SCAPER: variants seen among roughly 807,000 people sequenced by gnomAD.
SCAPER encodes the protein S-phase cyclin A associated protein in the ER.
SCAPER carries 98 observed loss-of-function variants against 182.2 expected under a neutral mutation model. That is an observed-to-expected ratio of 0.54 (90% CI 0.46 to 0.64). SCAPER has a LOEUF of 0.64. Among genes scored for constraint, SCAPER ranks in the 30% least tolerant of loss-of-function variants. The probability of loss-of-function intolerance (pLI) is 0.00; values close to 1 mark genes in which losing one functional copy is unlikely to be tolerated. For missense variants in SCAPER, 1,432 were observed against 1,690.0 expected, an observed-to-expected ratio of 0.85 and a Z score of 2.68; for synonymous variants, 605 against 564.6, an observed-to-expected ratio of 1.07 and a Z score of -1.01.
intron 5 of SCAPER, among the ~76,000 whole-genome samples, chr15:76,836,981 T>C (rs2069010579): frequency 6.6e-6 from 1 of 152,026 alleles, no homozygotes; most frequent in African/African-American, 2.4e-5. Flanking sequence ...TTGGCAACAA[T>C]TTCATAACAA....
chr15:76,862,712 G>A (rs2071975564), intron 2 of SCAPER, among the ~76,000 whole-genome samples, 179 bp from the exon 3 acceptor site: 3 of 152,126 alleles, frequency 2.0e-5, no homozygotes, highest in Non-Finnish European at 4.4e-5. Flanking sequence ...TAAAAACACT[G>A]AGTTTTGTAA....
intron 21 of SCAPER, among the ~76,000 whole-genome samples, chr15:76,629,521 G>A (rs141775696): frequency 6.6e-6 from 1 of 152,316 alleles, no homozygotes; most frequent in Non-Finnish European, 1.5e-5. Context: ...AGATAATCAT[G>A]TGGTTTTTGT....
At chr15:76,604,560 A>G (rs2050194908) in intron 22 of SCAPER, among the ~76,000 whole-genome samples, 1 of 77,926 alleles carries the variant, frequency 1.3e-5, no homozygotes, top group South Asian at 3.8e-4. Flanking sequence ...TGATTCTGTG[A>G]AGAAAGTCAT....
intron 6 of SCAPER, among the ~76,000 whole-genome samples, chr15:76,801,222 T>C (rs2065766233): frequency 1.3e-5 from 2 of 152,360 alleles, no homozygotes; most frequent in South Asian, 4.1e-4. Flanking sequence ...CACCATTTTC[T>C]GATTAATTTG....
At chr15:76,531,463 T>C (rs1445910790) in intron 23 of SCAPER, among the ~76,000 whole-genome samples, 2 of 152,222 alleles carry the variant, frequency 1.3e-5, no homozygotes, top group East Asian at 1.9e-4. Context: ...GGCAGCAAGA[T>C]AGAATACCAA....
chr15:76,467,990 C>T (rs1057120371), intron 25 of SCAPER, among the ~76,000 whole-genome samples: 2 of 152,154 alleles, frequency 1.3e-5, no homozygotes, highest in Admixed American at 1.3e-4. Context: ...CACCAGATCA[C>T]AATTAATTAG....
chr15:76,777,621 G>C (rs1392098120), intron 8 of SCAPER, among the ~76,000 whole-genome samples: 2 of 152,214 alleles, frequency 1.3e-5, no homozygotes, highest in African/African-American at 4.8e-5. Flanking sequence ...TTGGACCTGG[G>C]ATGTGGAGGT....
At chr15:76,661,520 A>C (rs1005834054) in intron 21 of SCAPER, among the ~76,000 whole-genome samples, 1 of 152,216 alleles carries the variant, frequency 6.6e-6, no homozygotes, top group East Asian at 1.9e-4. Context: ...TGGGCCAAGG[A>C]CATGAACAGA....
intron 5 of SCAPER, among the ~76,000 whole-genome samples, chr15:76,824,526 A>C (rs111250249): frequency 6.6e-6 from 1 of 152,090 alleles, no homozygotes; most frequent in African/African-American, 2.4e-5. Context: ...GGGAACCTTT[A>C]TGAAAAAAAA....
intron 23 of SCAPER, among the ~76,000 whole-genome samples, chr15:76,568,251 T>C (rs2047189101): frequency 6.7e-6 from 1 of 150,348 alleles, no homozygotes; most frequent in Non-Finnish European, 1.5e-5. Flanking sequence ...ATGAATTCAA[T>C]TATGTTCCAT....
rs773019752 is a variant in SCAPER at position 76,804,682 on chromosome 15, A to G, written c.394-49T>C. 7 of 1,209,784 alleles carry G rather than the reference A, an allele frequency of 5.8e-6. No homozygotes were observed. The African/African-American group carries it at 1.1e-4, about 18-fold the overall frequency. The allele number at this position is 1,209,784 out of a possible 1,614,324, so 74.9% of individuals were successfully genotyped here. ...AATTAAATTCCAGTCTGAGACTAAA[A>G]ACTTTGAAGAAAAAAAAGAGTGAAC... is the stretch of plus-strand genomic sequence containing the variant. On this transcript the variant is annotated intron_variant, in intron 5 of 31. Transcript: ENST00000563290.
intron 14 of SCAPER, among the ~76,000 whole-genome samples, chr15:76,757,457 C>T (rs3099133): frequency 0.37 from 24,409 of 66,232 alleles, 2,224 homozygotes; most frequent in African/African-American, 0.39. Flanking sequence ...TTTATATATA[C>T]ACACACACAC....
chr15:76,526,807 A>C (rs1367889131), intron 23 of SCAPER, among the ~76,000 whole-genome samples: 4 of 151,282 alleles, frequency 2.6e-5, no homozygotes, highest in Admixed American at 2.6e-4. Context: ...GTTTTCATCT[A>C]TCTCTTTGAG....
chr15:76,364,544 G>A (rs1424336657), intron 29 of SCAPER, among the ~76,000 whole-genome samples: 1 of 152,190 alleles, frequency 6.6e-6, no homozygotes, highest in South Asian at 2.1e-4. Flanking sequence ...GGGAAACTGA[G>A]TGAGATGGCC....
intron 22 of SCAPER, among the ~76,000 whole-genome samples, chr15:76,607,515 G>T (rs140802894): frequency 0.031 from 4,654 of 152,238 alleles, 104 homozygotes; most frequent in Non-Finnish European, 0.045. Flanking sequence ...TCTTCTTGAG[G>T]ATTATCTTTG....
Position 76,679,765 on chromosome 15 carries a change from G to A in SCAPER, c.2509-13976C>T, listed in dbSNP as rs1387365526. 2.0e-5 allele frequency among the ~76,000 whole-genome samples: 3 copies of A among 152,176 alleles called. No homozygotes were observed. In the East Asian group the frequency reaches 5.8e-4, roughly 29 times the overall value. On this transcript the variant is annotated intron_variant, in intron 20 of 31. Coordinates refer to ENST00000563290, the MANE Select transcript of SCAPER (RefSeq NM_020843.4). Reference sequence around the variant, plus strand: ...AAATACTCCATCAGTTTTCTGGTAGGTGGCAATGATGAATGAGGTAAACCC... The same window carrying A: ...AAATACTCCATCAGTTTTCTGGTAGATGGCAATGATGAATGAGGTAAACCC...
chr15:76,644,609 A>G (rs556511232), intron 21 of SCAPER, among the ~76,000 whole-genome samples: 1 of 152,130 alleles, frequency 6.6e-6, no homozygotes, highest in Admixed American at 6.5e-5. Flanking sequence ...AAAAAATCTG[A>G]GAACTGCTTT....
At chr15:76,789,497 T>C (rs1358818035) in intron 8 of SCAPER, among the ~76,000 whole-genome samples, 1 of 152,178 alleles carries the variant, frequency 6.6e-6, no homozygotes, top group Non-Finnish European at 1.5e-5. Flanking sequence ...AATCATATAA[T>C]TTTTTAATTG....
chr15:76,848,643 TG>T (rs1413935949), intron 4 of SCAPER, among the ~76,000 whole-genome samples: 2 of 152,192 alleles, frequency 1.3e-5, no homozygotes, highest in African/African-American at 4.8e-5. Context: ...CAAAGATTTA[TG>T]TCTACCCCTT....
Sources: allele counts gnomAD v4.1 joint callset (sites outside exome capture counted in the v4.1 genomes callset), GRCh38; gene constraint gnomAD v4.1.1; transcripts MANE v1.5; gene names NCBI Gene and HGNC (gene_info 2026-07-23, HGNC 2026-07-21).